ATP13A4: variants seen among roughly 807,000 people sequenced by gnomAD.
ATP13A4 encodes probable cation-transporting ATPase 13A4.
In ATP13A4, 114 loss-of-function variants were observed where a neutral mutation model predicts 142.5. The observed-to-expected ratio is 0.80, with a 90% CI of 0.69 to 0.93. The LOEUF (loss-of-function observed/expected upper bound fraction) is 0.93. Among genes scored for constraint, ATP13A4 ranks in the 40% least tolerant of loss-of-function variants. ATP13A4 has a pLI of 0.00. For missense variants in ATP13A4, 1,392 were observed against 1,454.0 expected (o/e 0.96, Z 0.69); for synonymous variants, 488 against 514.8 (o/e 0.95, Z 0.70).
intron 8 of ATP13A4, among the ~76,000 whole-genome samples, chr3:193,476,823 G>A (rs918717389): frequency 2.0e-5 from 3 of 151,988 alleles, no homozygotes; most frequent in African/African-American, 4.8e-5. Context: ...ATCTGACACC[G>A]ATTAAGTTTG....
intron 8 of ATP13A4, among the ~76,000 whole-genome samples, chr3:193,479,787 C>A (rs1327186641): frequency 6.6e-6 from 1 of 151,886 alleles, no homozygotes; most frequent in African/African-American, 2.4e-5. Context: ...CATATGGAGC[C>A]AAAAAAGAGG....
intron 27 of ATP13A4, among the ~76,000 whole-genome samples, chr3:193,411,598 G>A (rs897399030): frequency 6.6e-6 from 1 of 152,168 alleles, no homozygotes; most frequent in African/African-American, 2.4e-5. Context: ...TCAATAAGAA[G>A]AGTAGTGATG....
intron 16 of ATP13A4, among the ~76,000 whole-genome samples, chr3:193,455,061 G>A (rs1392359246): frequency 1.3e-5 from 2 of 152,008 alleles, no homozygotes; most frequent in South Asian, 2.1e-4. Context: ...GCAAAGGGCC[G>A]GGTGTGGTGG....
chr3:193,587,061 T>C (rs1724684117), intron 1 of ATP13A4, among the ~76,000 whole-genome samples: 1 of 152,228 alleles, frequency 6.6e-6, no homozygotes, highest in Admixed American at 6.5e-5. Context: ...GGTAAATTTA[T>C]GGCTAATTAT....
intron 1 of ATP13A4, among the ~76,000 whole-genome samples, chr3:193,530,273 T>C (rs1279048209): frequency 6.6e-6 from 1 of 152,052 alleles, no homozygotes; most frequent in Non-Finnish European, 1.5e-5. Flanking sequence ...CATTACTTTT[T>C]CTCCTAGGGA....
chr3:193,416,285 G>C (rs1409546479), intron 25 of ATP13A4, among the ~76,000 whole-genome samples: 1 of 152,154 alleles, frequency 6.6e-6, no homozygotes, highest in Non-Finnish European at 1.5e-5. Context: ...CTAATTTTCA[G>C]AGTTAGAGCA....
chr3:193,551,385 C>T (rs77464849), intron 1 of ATP13A4, among the ~76,000 whole-genome samples: 19,898 of 152,054 alleles, frequency 0.13, 1,425 homozygotes, highest in Non-Finnish European at 0.16. Context: ...TGCACTCCAG[C>T]CTGGCAACAG....
At chr3:193,582,437 G>A (rs761178226) in intron 1 of ATP13A4, among the ~76,000 whole-genome samples, 1 of 147,510 alleles carries the variant, frequency 6.8e-6, no homozygotes, top group Non-Finnish European at 1.5e-5. Context: ...GTGAGCCACC[G>A]CACCTGGCCA....
intron 2 of ATP13A4, among the ~76,000 whole-genome samples, chr3:193,575,198 A>G (rs983808134): frequency 6.6e-6 from 1 of 152,228 alleles, no homozygotes; most frequent in Non-Finnish European, 1.5e-5. Flanking sequence ...GCAATAGATA[A>G]TTGGAAGTTT....
At chr3:193,531,687 T>A (rs1384063558) in intron 1 of ATP13A4, among the ~76,000 whole-genome samples, 4 of 152,164 alleles carry the variant, frequency 2.6e-5, no homozygotes, top group Non-Finnish European at 5.9e-5. Flanking sequence ...TGAAGGTCTT[T>A]GCTGGGGGAT....
chr3:193,529,235 A>G (rs1242677469), intron 1 of ATP13A4, among the ~76,000 whole-genome samples: 2 of 151,812 alleles, frequency 1.3e-5, no homozygotes, highest in Non-Finnish European at 2.9e-5. Flanking sequence ...GCGCCACTAC[A>G]ATCCAGACTG....
intron 12 of ATP13A4, among the ~76,000 whole-genome samples, chr3:193,463,141 G>A (rs748864869): frequency 3.2e-4 from 49 of 152,142 alleles, no homozygotes; most frequent in Non-Finnish European, 3.4e-4. Context: ...CGTTGGAAGC[G>A]TTGATGAGCT....
chr3:193,410,230 A>G (rs1714696895), intron 28 of ATP13A4, among the ~76,000 whole-genome samples: 1 of 152,180 alleles, frequency 6.6e-6, no homozygotes, highest in Non-Finnish European at 1.5e-5. Context: ...TTTTACAGAC[A>G]TTAAGTATGA....
At chr3:193,447,793 A>T (rs1695756319) in intron 18 of ATP13A4, among the ~76,000 whole-genome samples, 1 of 152,190 alleles carries the variant, frequency 6.6e-6, no homozygotes, top group South Asian at 2.1e-4. Flanking sequence ...GGTTTTCAGC[A>T]TATTTATAGA....
chr3:193,430,185 T>TA (rs1168645421), intron 25 of ATP13A4, among the ~76,000 whole-genome samples: 1 of 152,070 alleles, frequency 6.6e-6, no homozygotes, highest in Non-Finnish European at 1.5e-5. Flanking sequence ...GAGAAAAAAT[T>TA]AAACTCTTCT....
chr3:193,540,304 T>C (rs1722816366), intron 1 of ATP13A4, among the ~76,000 whole-genome samples: 1 of 151,976 alleles, frequency 6.6e-6, no homozygotes, highest in African/African-American at 2.4e-5. Flanking sequence ...GCTTCATGAC[T>C]TGTCTGTCAC....
At chr3:193,465,445 C>T (rs191602577) in intron 11 of ATP13A4, among the ~76,000 whole-genome samples, 1 of 152,314 alleles carries the variant, frequency 6.6e-6, no homozygotes, top group Admixed American at 6.5e-5. Flanking sequence ...GCCTTGGCCT[C>T]CCAAAGTGCT....
chr3:193,428,050 G>T (rs1355513498), intron 25 of ATP13A4, among the ~76,000 whole-genome samples: 1 of 152,010 alleles, frequency 6.6e-6, no homozygotes, highest in Non-Finnish European at 1.5e-5. Flanking sequence ...ATCTGACAAA[G>T]GGCTAATATC....
chr3:193,402,787 C>T lies in ATP13A4; in HGVS notation c.3456G>A (p.Arg1152=), dbSNP rs1714313726. The T allele has an allele frequency of 1.2e-6, 2 of 1,614,038 alleles. No homozygotes were observed. The highest frequency in any genetic ancestry group is 2.7e-5 in the African/African-American group (2 of 74,932). The change falls in exon 30 of 30, where the codon CGG becomes CGA. Residue 1152 remains arginine, a synonymous_variant. Transcript: ENST00000342695. The part of the protein sequence containing the change: ...CFGYQSKSQY[R]IWQRDLANDP... ...CATTTGCCAAGTCCCTCTGCCATAT[C>T]CGATACTGGCTTTTTGACTGATAGC...
Sources: allele counts gnomAD v4.1 joint callset (sites outside exome capture counted in the v4.1 genomes callset), GRCh38; gene constraint gnomAD v4.1.1; transcripts MANE v1.5; gene names NCBI Gene and HGNC (gene_info 2026-07-23, HGNC 2026-07-21).